DNAH9: variants seen among roughly 807,000 people sequenced by gnomAD.
DNAH9 encodes DNAH9 variant protein.
A neutral mutation model predicts 471.6 loss-of-function variants in DNAH9; 345 were observed. The ratio of observed to expected loss-of-function variants is 0.73; its 90% CI spans 0.67 to 0.80. The LOEUF (loss-of-function observed/expected upper bound fraction) is 0.80. Among genes scored for constraint, DNAH9 ranks in the 30% least tolerant of loss-of-function variants. DNAH9 has a pLI of 0.00. For missense variants in DNAH9, 5,407 were observed against 5,609.2 expected, an observed-to-expected ratio of 0.96 and a Z score of 1.15; for synonymous variants, 2,093 against 2,123.6, an observed-to-expected ratio of 0.99 and a Z score of 0.40.
intron 1 of DNAH9, among the ~76,000 whole-genome samples, chr17:11,604,176 C>G (rs1044653259): frequency 6.6e-6 from 1 of 152,042 alleles, no homozygotes; most frequent in African/African-American, 2.4e-5. Context: ...GTGCCCGCCA[C>G]CATGCCCAAC....
At chr17:11,953,714 G>A (rs981710164) in intron 67 of DNAH9, among the ~76,000 whole-genome samples, 13 of 139,228 alleles carry the variant, frequency 9.3e-5, no homozygotes, top group East Asian at 4.2e-4. Context: ...AGTGGAGATC[G>A]CCACTGCACT....
intron 57 of DNAH9, among the ~76,000 whole-genome samples, chr17:11,889,623 C>A (rs531382407): frequency 5.3e-4 from 80 of 152,220 alleles, no homozygotes; most frequent in Non-Finnish European, 1.0e-3. Context: ...TGCCTAGGTT[C>A]TTTTAGGCAT....
intron 52 of DNAH9, among the ~76,000 whole-genome samples, chr17:11,874,195 A>G (rs969777285): frequency 6.7e-6 from 1 of 149,760 alleles, no homozygotes; most frequent in African/African-American, 2.5e-5. Flanking sequence ...CATGGAGCTG[A>G]GATGACGCCA....
intron 24 of DNAH9, among the ~76,000 whole-genome samples, chr17:11,703,348 C>T (rs2074637263): frequency 6.6e-6 from 1 of 152,150 alleles, no homozygotes; most frequent in Non-Finnish European, 1.5e-5. Flanking sequence ...GTGCTGTTTA[C>T]TACGATGAGA....
intron 49 of DNAH9, among the ~76,000 whole-genome samples, chr17:11,843,704 T>G (rs921827668): frequency 1.3e-5 from 2 of 151,162 alleles, no homozygotes; most frequent in Admixed American, 6.6e-5. Context: ...AAGAAAAGTG[T>G]GCATTGTTTA....
At chr17:11,818,440 AAAG>A (rs1339553537) in intron 45 of DNAH9, among the ~76,000 whole-genome samples, 1 of 147,530 alleles carries the variant, frequency 6.8e-6, no homozygotes, top group Non-Finnish European at 1.5e-5. Flanking sequence ...AAAAAAAAAA[AAAG>A]AAGAGAAAAG....
chr17:11,900,807 C>T (rs868848142), intron 59 of DNAH9, among the ~76,000 whole-genome samples: 40 of 152,144 alleles, frequency 2.6e-4, no homozygotes, highest in African/African-American at 9.4e-4. Context: ...CACGCAGTCT[C>T]GTCTAGCTTT....
rs1004915378 is a variant in DNAH9, at chr17:11,933,778, T to A, written c.12298-102T>A. On this transcript the variant is annotated intron_variant, in intron 64 of 68. Coordinates refer to ENST00000262442, the MANE Select transcript of DNAH9 (RefSeq NM_001372.4). ...ACATTGCTCTCAATCTCAAGAAGCG[T>A]CCCTCTCTTGTGGCTTTCTGTGCTG... 9 of 1,028,126 alleles carry A rather than the reference T, an allele frequency of 8.8e-6. No homozygotes were observed. In the African/African-American group the frequency reaches 1.4e-4, roughly 17 times the overall value. 63.7% of individuals were successfully genotyped at this position (1,028,126 alleles called of 1,614,324 possible).
At chr17:11,867,566 G>C (rs11656481) in intron 50 of DNAH9, among the ~76,000 whole-genome samples, 66,046 of 151,948 alleles carry the variant, frequency 0.43, 14,751 homozygotes, top group Admixed American at 0.56. Context: ...TTTTAACTTT[G>C]TTGTTGCAGT....
At chr17:11,611,852 C>G in intron 4 of DNAH9, 72 bp downstream of exon 4, 3 of 1,501,402 alleles carry the variant, frequency 2.0e-6, no homozygotes, top group Non-Finnish European at 2.8e-6. Context: ...TCACCTCTCT[C>G]TGTCTGAATT....
intron 38 of DNAH9, among the ~76,000 whole-genome samples, chr17:11,778,324 C>T (rs376307950): frequency 2.0e-3 from 124 of 60,838 alleles, no homozygotes; most frequent in African/African-American, 7.1e-3. Flanking sequence ...AGTGAGACTC[C>T]ATCTCAAAAA....
At chr17:11,866,064 C>T (rs1972042347) in intron 50 of DNAH9, among the ~76,000 whole-genome samples, 1 of 152,220 alleles carries the variant, frequency 6.6e-6, no homozygotes, top group Non-Finnish European at 1.5e-5. Flanking sequence ...TGGTGAGGAA[C>T]TGTGATCCTT....
At chr17:11,669,864 T>C in intron 17 of DNAH9, 70 bp downstream of exon 17, 1 of 1,344,430 alleles carries the variant, frequency 7.4e-7, no homozygotes, top group Non-Finnish European at 1.0e-6. Context: ...TAAACCTTTT[T>C]TATATTTTTT....
intron 35 of DNAH9, among the ~76,000 whole-genome samples, chr17:11,758,404 T>G (rs1258244003): frequency 6.6e-6 from 1 of 152,182 alleles, no homozygotes; most frequent in Non-Finnish European, 1.5e-5. Context: ...TGATGCATCA[T>G]TCTGTGAATC....
At position 11,962,214 on chromosome 17, in the gene DNAH9, C is replaced by T. The variant is rs1044895937; in HGVS notation, c.13191C>T (p.Tyr4397=). 5.6e-6 allele frequency: 9 copies of T among 1,612,994 alleles called. No individual in the cohort carries two copies. The highest frequency in any genetic ancestry group is 2.2e-5 in the East Asian group (1 of 44,850). The change falls in exon 68 of 69, where the codon TAC becomes TAT. Residue 4397 remains tyrosine, a synonymous_variant. Transcript: ENST00000262442. This position sits in a 1 kb window ranked among gnomAD's most constrained non-coding sequence, Gnocchi z 4.1. ...EFRSPPREGA[Y]IHGLFMEGAC... is the part of the protein sequence containing the mutation. The stretch of plus-strand genomic sequence containing the variant: ...GGAGTCCTCCTCGGGAAGGGGCCTA[C>T]ATCCATGGCCTCTTCATGGAAGGTG...
At chr17:11,749,414 T>G (rs745517998) in intron 32 of DNAH9, among the ~76,000 whole-genome samples, 37 of 152,198 alleles carry the variant, frequency 2.4e-4, no homozygotes, top group Non-Finnish European at 3.2e-4. Flanking sequence ...TCAAAGATAT[T>G]AACCCCTTAT....
chr17:11,931,935 C>A (rs550310950), intron 63 of DNAH9, 79 bp from the exon 64 acceptor site: 12 of 1,508,012 alleles, frequency 8.0e-6, no homozygotes, highest in East Asian at 2.3e-5. Flanking sequence ...CAACACGAAC[C>A]CTGATTGTAA....
At chr17:11,822,279 A>G (rs981084828) in intron 46 of DNAH9, among the ~76,000 whole-genome samples, 159 bp from the exon 47 acceptor site, 1 of 152,040 alleles carries the variant, frequency 6.6e-6, no homozygotes, top group African/African-American at 2.4e-5. Context: ...AGCGTTTTTG[A>G]TCTCTTGGCT....
intron 49 of DNAH9, among the ~76,000 whole-genome samples, chr17:11,852,199 A>T (rs1229401097): frequency 6.6e-6 from 1 of 152,204 alleles, no homozygotes; most frequent in Non-Finnish European, 1.5e-5. Flanking sequence ...CCTCAAATTA[A>T]TTTGGCATAA....
Sources: allele counts gnomAD v4.1 joint callset (sites outside exome capture counted in the v4.1 genomes callset), GRCh38; gene constraint gnomAD v4.1.1; non-coding constraint Gnocchi (gnomAD v3.1); transcripts MANE v1.5; gene names NCBI Gene and HGNC (gene_info 2026-07-23, HGNC 2026-07-21).